The following ERP44 variants were observed in gnomAD, a reference collection of about 807,000 sequenced individuals.
ERP44 encodes endoplasmic reticulum protein 44.
Under a neutral mutation model 53.4 loss-of-function variants are expected in ERP44, and 25 were observed. The ratio of observed to expected loss-of-function variants is 0.47; its 90% CI spans 0.34 to 0.65. The LOEUF is 0.65. ERP44 is among the 30% of genes least tolerant of loss of function. The pLI is 0.01. For synonymous variants in ERP44, 145 were observed against 161.2 expected, an observed-to-expected ratio of 0.90 and a Z score of 0.76; for missense variants, 338 against 493.2, an observed-to-expected ratio of 0.69 and a Z score of 2.98.
At chr9:99,994,661 A>T (rs1178088187) in intron 10 of ERP44, among the ~76,000 whole-genome samples, 2 of 152,236 alleles carry the variant, frequency 1.3e-5, no homozygotes, top group African/African-American at 2.4e-5. Context: ...CAATTAAAAA[A>T]AAAATCTATT....
At position 99,997,311 on chromosome 9, in the gene ERP44, A is replaced by T. The variant is rs192738635; in HGVS notation, c.1016+9195T>A. 3.3e-5 allele frequency among the ~76,000 whole-genome samples: 5 copies of T among 152,200 alleles called. No individual in the cohort carries two copies. The East Asian group carries it at 9.6e-4, about 29-fold the overall frequency. On this transcript the variant is annotated intron_variant, in intron 10 of 11. Transcript: ENST00000262455. ...TCCACGCCAACATCTACTTTTTAAA[A>T]TTTTTTTATTATGGCCATTCTTGCA... is the stretch of plus-strand genomic sequence containing the variant.
intron 1 of ERP44, among the ~76,000 whole-genome samples, chr9:100,077,096 C>T (rs1456322787): frequency 6.6e-6 from 1 of 152,202 alleles, no homozygotes; most frequent in Admixed American, 6.5e-5. Flanking sequence ...CCTCTTCTAT[C>T]ATGGAAAGGG....
intron 1 of ERP44, among the ~76,000 whole-genome samples, chr9:100,061,301 G>A (rs529512491): frequency 2.0e-4 from 30 of 151,812 alleles, no homozygotes; most frequent in African/African-American, 6.0e-4. Context: ...AAAATTAGCC[G>A]GGCATGGTGG....
At chr9:100,030,074 G>A (rs1410088378) in intron 4 of ERP44, among the ~76,000 whole-genome samples, 4 of 152,128 alleles carry the variant, frequency 2.6e-5, no homozygotes, top group Non-Finnish European at 4.4e-5. Context: ...GCAACAGAGC[G>A]AGACTCAGTC....
intron 1 of ERP44, among the ~76,000 whole-genome samples, chr9:100,080,554 T>G (rs1053156791): frequency 2.0e-5 from 3 of 151,858 alleles, no homozygotes; most frequent in African/African-American, 7.3e-5. Flanking sequence ...ATTTTAATGA[T>G]CTAGTATAAA....
At chr9:100,032,342 T>C (rs1231028248) in intron 4 of ERP44, among the ~76,000 whole-genome samples, 2 of 152,156 alleles carry the variant, frequency 1.3e-5, no homozygotes, top group Non-Finnish European at 2.9e-5. Flanking sequence ...TTGTGTGTAG[T>C]GTAAAAAAAG....
rs769787882 is a variant in ERP44, at chr9:100,098,811, G to A, written c.30C>T (p.Pro10=). The A allele has an allele frequency of 3.7e-6, 6 of 1,613,790 alleles. No individual in the cohort carries two copies. The African/African-American group carries it at 5.3e-5, about 14-fold the overall frequency. Residue 10 remains proline (P), a synonymous_variant, in exon 1 of 12, where the codon CCC becomes CCT. Coordinates refer to ENST00000262455, the MANE Select transcript of ERP44 (RefSeq NM_015051.3). The part of the protein sequence containing the change: MHPAVFLSL[P]DLRCSLLLLV... ...GGAGCAGAAGGGAGCATCTGAGGTC[G>A]GGTAAGGATAGGAAGACGGCAGGAT... is the stretch of plus-strand genomic sequence containing the variant.
chr9:100,033,824 C>T (rs936727638), intron 4 of ERP44, among the ~76,000 whole-genome samples: 3 of 152,158 alleles, frequency 2.0e-5, no homozygotes, highest in African/African-American at 7.2e-5. Context: ...TGGCCCTCGA[C>T]ATATCAATGC....
rs762307834 is a variant in ERP44 at position 100,098,834 on chromosome 9, G to A, written c.7C>T (p.Pro3Ser). 1 of 1,613,632 alleles carries A rather than the reference G, an allele frequency of 6.2e-7. No individual in the cohort carries two copies. The highest frequency in any genetic ancestry group is 1.7e-5 in the Admixed American group (1 of 59,964). Residue 3 changes from proline to serine, a missense_variant, in exon 1 of 12, where the codon CCT becomes TCT. Transcript: ENST00000262455. ...TCGGGTAAGGATAGGAAGACGGCAG[G>A]ATGCATGGTAACGCTGGGGTCCGTG... is the stretch of plus-strand genomic sequence containing the variant. MH[P>S]AVFLSLPDLR...
At chr9:100,061,977 A>T (rs533638153) in intron 1 of ERP44, among the ~76,000 whole-genome samples, 45 of 152,302 alleles carry the variant, frequency 3.0e-4, no homozygotes, top group African/African-American at 1.1e-3. Context: ...TTCTTCCCTA[A>T]AACAGGTCAT....
At chr9:100,037,779 C>T (rs958762092) in intron 4 of ERP44, among the ~76,000 whole-genome samples, 1 of 152,126 alleles carries the variant, frequency 6.6e-6, no homozygotes, top group Non-Finnish European at 1.5e-5. Context: ...GAAGGACCCA[C>T]TCGACAGGAT....
rs773970081 is a variant in ERP44, at chr9:99,985,020, G to A, written c.1066C>T (p.Leu356=). The A allele has an allele frequency of 6.2e-7, 1 of 1,613,728 alleles. No homozygotes were observed. The highest frequency in any genetic ancestry group is 1.1e-5 in the South Asian group (1 of 91,052). The change falls in exon 11 of 12, where the codon CTG becomes TTG. Residue 356 remains leucine (L), a synonymous_variant. Transcript: ENST00000262455. ...GGTCCATGATGGAATTCTCTGTGCA[G>A]TTTTCCAGAATGTAAGTCAAATACG... ...QFVFDLHSGK[L]HREFHHGPDP...
chr9:100,085,286 C>G (rs561500000), intron 1 of ERP44, among the ~76,000 whole-genome samples: 11 of 152,206 alleles, frequency 7.2e-5, no homozygotes, highest in African/African-American at 2.6e-4. Context: ...AAAAGCAAGA[C>G]CATATAATGA....
intron 10 of ERP44, chr9:99,998,497 C>G: frequency 2.8e-6 from 2 of 713,646 alleles, no homozygotes; most frequent in Middle Eastern, 3.7e-4. Context: ...CGGCCTCCCT[C>G]GGAGCCCCGC....
chr9:100,083,171 A>T (rs905561267), intron 1 of ERP44, among the ~76,000 whole-genome samples: 11 of 150,766 alleles, frequency 7.3e-5, no homozygotes, highest in African/African-American at 2.2e-4. Context: ...ACATCCCAAT[A>T]AAAAAAAAGG....
chr9:100,019,996 A>G (rs1830569103), intron 6 of ERP44, among the ~76,000 whole-genome samples: 1 of 152,190 alleles, frequency 6.6e-6, no homozygotes, highest in Admixed American at 6.5e-5. Flanking sequence ...AGAAAGGTGA[A>G]ATTATAGCTT....
chr9:99,986,258 G>A (rs1163971927), intron 10 of ERP44, among the ~76,000 whole-genome samples: 1 of 152,106 alleles, frequency 6.6e-6, no homozygotes, highest in Non-Finnish European at 1.5e-5. Flanking sequence ...GTCTTGCCAA[G>A]CATGTCTTTT....
rs1830599862 is a variant in ERP44, at chr9:100,022,258, A to G, written c.287-32T>C. On this transcript the variant is annotated intron_variant, in intron 4 of 11. Coordinates refer to ENST00000262455, the MANE Select transcript of ERP44 (RefSeq NM_015051.3). ...GAATGAAAAAAAATTATTTACCCTC[A>G]TATGTAGTCAGGGCAAGCCTGTTTG... 3.2e-6 allele frequency: 5 copies of G among 1,579,046 alleles called. No individual in the cohort carries two copies. In the South Asian group the frequency reaches 4.6e-5, roughly 15 times the overall value.
chr9:100,091,591 A>G (rs1826556815), intron 1 of ERP44, among the ~76,000 whole-genome samples: 1 of 152,196 alleles, frequency 6.6e-6, no homozygotes, highest in African/African-American at 2.4e-5. Context: ...AAGATTTACT[A>G]TGTTATTGAG....
Sources: allele counts gnomAD v4.1 joint callset (sites outside exome capture counted in the v4.1 genomes callset), GRCh38; gene constraint gnomAD v4.1.1; transcripts MANE v1.5; gene names NCBI Gene and HGNC (gene_info 2026-07-23, HGNC 2026-07-21).